Variants in CYP2J2 observed in about 807,000 individuals in gnomAD.
CYP2J2 encodes the protein cytochrome P450 family 2 subfamily J member 2.
In CYP2J2, 41 loss-of-function variants were observed where a neutral mutation model predicts 48.8. That is an observed-to-expected ratio of 0.84 (90% CI 0.66 to 1.09). The LOEUF (loss-of-function observed/expected upper bound fraction) is 1.09, where lower values mean the gene tolerates loss of function less well. Ranked by LOEUF, CYP2J2 falls within the 50% of genes least tolerant of loss-of-function variation. The pLI, the probability that CYP2J2 is intolerant of heterozygous loss-of-function variation, is 0.00. For synonymous variants in CYP2J2, 221 were observed against 227.1 expected, an observed-to-expected ratio of 0.97 and a Z score of 0.24; for missense variants, 644 against 617.3, an observed-to-expected ratio of 1.04 and a Z score of -0.46.
At chr1:59,941,534 GAA>G in the CYP2J2 span, among the ~76,000 whole-genome samples, 1 of 151,976 alleles carries the variant, frequency 6.6e-6, no homozygotes, top group South Asian at 2.1e-4. Context: ...TCCACTTATT[GAA>G]AAAAAGTTAA....
At chr1:59,933,638 G>T in the CYP2J2 span, among the ~76,000 whole-genome samples, 3 of 152,182 alleles carry the variant, frequency 2.0e-5, no homozygotes, top group South Asian at 6.2e-4. Context: ...TGTGAACAGA[G>T]ATAATTTACT....
intron 8 of CYP2J2, among the ~76,000 whole-genome samples, chr1:59,899,730 T>C (rs1014566286): frequency 6.6e-6 from 1 of 152,196 alleles, no homozygotes; most frequent in African/African-American, 2.4e-5. Context: ...CTCAGTTTCC[T>C]CATCACTAAA....
chr1:59,907,724 G>A, intron 6 of CYP2J2, 62 bp downstream of exon 6: 1 of 1,581,468 alleles, frequency 6.3e-7, no homozygotes, highest in South Asian at 1.1e-5. Context: ...CCCGACTTCA[G>A]GCAGCACATC....
chr1:59,921,817 A>G (rs928724881), intron 1 of CYP2J2, among the ~76,000 whole-genome samples: 5 of 152,112 alleles, frequency 3.3e-5, no homozygotes, highest in South Asian at 2.1e-4. Flanking sequence ...TAGGTTATGG[A>G]TAGACTGTGT....
the CYP2J2 span, among the ~76,000 whole-genome samples, chr1:59,938,825 C>T: frequency 6.6e-6 from 1 of 152,222 alleles, no homozygotes. Context: ...GGACAATACC[C>T]GGCTTTCCAG....
chr1:59,926,771 TGCGGTCCAAGCAGGCG>T (rs769085775), exon 1 of CYP2J2: 6 of 1,592,308 alleles, frequency 3.8e-6, no homozygotes, highest in Non-Finnish European at 5.1e-6. Context: ...CCTGCTCTTC[TGCGGTCCAAGCAGGCG>T]GCGGTCCCAG....
At chr1:59,935,718 A>G in the CYP2J2 span, among the ~76,000 whole-genome samples, 1 of 152,232 alleles carries the variant, frequency 6.6e-6, no homozygotes, top group Admixed American at 6.5e-5. Flanking sequence ...GTACATGGGT[A>G]GAAAGACTCA....
At chr1:59,929,457 G>A (rs1644592441), upstream of CYP2J2, among the ~76,000 whole-genome samples, 1 of 152,154 alleles carries the variant, frequency 6.6e-6, no homozygotes, top group Non-Finnish European at 1.5e-5. Context: ...ACGTAGCAAA[G>A]ACTGTAAAGC....
rs552116881 is a variant in CYP2J2, at chr1:59,917,810, G to C, written c.211-1710C>G. On this transcript the variant is annotated intron_variant, in intron 1 of 8. Transcript: ENST00000371204. ...CTTTTTTCTGCCTGGGTTGTGTCTA[G>C]CTGCAGGCAGTGGTAACAATCCGAA... 4.7e-4 allele frequency among the ~76,000 whole-genome samples: 71 copies of C among 152,340 alleles called. 1 individual carries two copies. Among genetic ancestry groups the C allele is most frequent in the Non-Finnish European group, 8.5e-4 (58 of 68,034 alleles).
At chr1:59,955,928 G>A in the CYP2J2 span, among the ~76,000 whole-genome samples, 2 of 152,064 alleles carry the variant, frequency 1.3e-5, no homozygotes, top group African/African-American at 4.8e-5. Flanking sequence ...GTGCATGTGT[G>A]TTTATTTTTT....
chr1:59,905,447 A>G lies in CYP2J2; in HGVS notation c.1004-389T>C, dbSNP rs11572289. ...AGTACTACTCCCATTCCTGAAGGCT[A>G]ATTACCTCCCAAAGGCCCCACCTCC... On this transcript the variant is annotated intron_variant, in intron 6 of 8. Transcript: ENST00000371204. Among the ~76,000 whole-genome samples the G allele has an allele frequency of 8.6e-3, 1,303 of 152,304 alleles. 20 individuals carry two copies. The highest frequency in any genetic ancestry group is 0.03 in the African/African-American group (1,264 of 41,562).
the CYP2J2 span, among the ~76,000 whole-genome samples, chr1:59,938,801 TG>T: frequency 6.6e-6 from 1 of 152,224 alleles, no homozygotes; most frequent in Non-Finnish European, 1.5e-5. Context: ...GACTATCACA[TG>T]GGGATAAACC....
chr1:59,966,209 A>G, the CYP2J2 span, among the ~76,000 whole-genome samples: 1 of 152,206 alleles, frequency 6.6e-6, no homozygotes, highest in Non-Finnish European at 1.5e-5. Flanking sequence ...ATGGTAACAT[A>G]AGCTCAGCCC....
chr1:59,935,009 T>TATAC, the CYP2J2 span, among the ~76,000 whole-genome samples: 31 of 39,934 alleles, frequency 7.8e-4, no homozygotes, highest in African/African-American at 4.0e-3. Context: ...TATATATATA[T>TATAC]ATATACATAT....
At chr1:59,965,202 G>A in the CYP2J2 span, among the ~76,000 whole-genome samples, 1 of 152,218 alleles carries the variant, frequency 6.6e-6, no homozygotes, top group Non-Finnish European at 1.5e-5. Flanking sequence ...GTACCGTTAG[G>A]TTTGAGATAT....
the CYP2J2 span, among the ~76,000 whole-genome samples, chr1:59,967,644 G>A: frequency 6.6e-6 from 1 of 152,202 alleles, no homozygotes; most frequent in Non-Finnish European, 1.5e-5. Flanking sequence ...TTTTGAATGA[G>A]ATGGAAAACA....
the CYP2J2 span, among the ~76,000 whole-genome samples, chr1:59,946,324 G>A: frequency 1.3e-4 from 20 of 152,216 alleles, no homozygotes; most frequent in African/African-American, 4.6e-4. Flanking sequence ...CAAGATAGCT[G>A]TATGTCCTTT....
upstream of CYP2J2, among the ~76,000 whole-genome samples, chr1:59,928,151 G>A (rs748101683): frequency 6.6e-6 from 1 of 151,980 alleles, no homozygotes; most frequent in Non-Finnish European, 1.5e-5. Flanking sequence ...GCTCATTCCC[G>A]TATCAGTGGA....
chr1:59,939,969 AG>A, the CYP2J2 span, among the ~76,000 whole-genome samples: 2 of 151,978 alleles, frequency 1.3e-5, no homozygotes, highest in Non-Finnish European at 2.9e-5. Context: ...CTCACCTTTT[AG>A]GGCAGTGGGT....
Sources: allele counts gnomAD v4.1 joint callset (sites outside exome capture counted in the v4.1 genomes callset), GRCh38; gene constraint gnomAD v4.1.1; transcripts MANE v1.5; gene names NCBI Gene and HGNC (gene_info 2026-07-23, HGNC 2026-07-21).